The following RHOBTB1 variants were observed in gnomAD, a reference collection of about 807,000 sequenced individuals.
The protein encoded by RHOBTB1 is rho-related BTB domain-containing protein 1.
A neutral mutation model predicts 71.6 loss-of-function variants in RHOBTB1; 40 were observed. The observed-to-expected ratio is 0.56, with a 90% CI of 0.43 to 0.73. The LOEUF (loss-of-function observed/expected upper bound fraction) is 0.73. Ranked by LOEUF, RHOBTB1 falls within the 30% of genes least tolerant of loss-of-function variation. The pLI is 0.00. For synonymous variants in RHOBTB1, 319 were observed against 334.9 expected, an observed-to-expected ratio of 0.95 and a Z score of 0.52; for missense variants, 797 against 894.0, an observed-to-expected ratio of 0.89 and a Z score of 1.38.
At chr10:60,967,721 G>T (rs989001384) in intron 2 of RHOBTB1, among the ~76,000 whole-genome samples, 1 of 152,132 alleles carries the variant, frequency 6.6e-6, no homozygotes, top group Non-Finnish European at 1.5e-5. Flanking sequence ...CTGTGTCCCT[G>T]TTTATCCATT....
chr10:60,861,809 C>T, the RHOBTB1 span, among the ~76,000 whole-genome samples: 1 of 152,120 alleles, frequency 6.6e-6, no homozygotes, highest in Non-Finnish European at 1.5e-5. Context: ...AAAATAAGTT[C>T]AAATGTTTAC....
intron 7 of RHOBTB1, among the ~76,000 whole-genome samples, chr10:60,882,859 T>C (rs2081389634): frequency 6.6e-6 from 1 of 152,186 alleles, no homozygotes. Flanking sequence ...TAACCCCGTA[T>C]GGAAAGAATT....
At chr10:60,897,771 A>T (rs1233769977) in intron 4 of RHOBTB1, among the ~76,000 whole-genome samples, 1 of 152,066 alleles carries the variant, frequency 6.6e-6, no homozygotes, top group Admixed American at 6.5e-5. Flanking sequence ...AAGTGGCTCA[A>T]TCTCGGCTCA....
rs540307072 is a variant in RHOBTB1, at chr10:60,950,007, G to A, written c.-61-8153C>T. On this transcript the variant is annotated intron_variant, in intron 2 of 11. Transcript: ENST00000357917. ...ATTAGGTTTTCTGTTGGGGTAGGGT[G>A]AGTTTGGTAAAAATGTGATTTTGCA... is the stretch of plus-strand genomic sequence containing the variant. Among the ~76,000 whole-genome samples, 560 of 152,294 alleles carry A rather than the reference G, an allele frequency of 3.7e-3. 3 individuals are homozygous for A. Among genetic ancestry groups the A allele is most frequent in the Middle Eastern group, 6.8e-3 (2 of 294 alleles).
intron 2 of RHOBTB1, among the ~76,000 whole-genome samples, chr10:60,931,777 C>A (rs879894367): frequency 5.5e-4 from 84 of 152,062 alleles, no homozygotes; most frequent in Middle Eastern, 3.4e-3. Flanking sequence ...ATAAAAAAAA[C>A]CCCACAGGAA....
chr10:60,908,090 G>A (rs533648761), intron 4 of RHOBTB1, among the ~76,000 whole-genome samples: 8 of 152,268 alleles, frequency 5.3e-5, no homozygotes, highest in African/African-American at 1.9e-4. Context: ...TCATAAGAGA[G>A]CAATAACACT....
At chr10:60,996,339 G>A (rs1009538890) in intron 1 of RHOBTB1, among the ~76,000 whole-genome samples, 1 of 152,000 alleles carries the variant, frequency 6.6e-6, no homozygotes, top group Non-Finnish European at 1.5e-5. Context: ...TACCCTCAAG[G>A]CCTGAGGGAA....
At chr10:60,872,666 C>T (rs977926966) in intron 9 of RHOBTB1, among the ~76,000 whole-genome samples, 3 of 152,072 alleles carry the variant, frequency 2.0e-5, no homozygotes, top group African/African-American at 7.2e-5. Flanking sequence ...AGGAAGCCTC[C>T]GCAATGGAAT....
At chr10:60,949,047 T>A (rs190694242), upstream of RHOBTB1, among the ~76,000 whole-genome samples, 28 of 152,314 alleles carry the variant, frequency 1.8e-4, no homozygotes, top group African/African-American at 6.3e-4. Context: ...CAGCTAGTGA[T>A]GACAAACAGG....
chr10:60,991,129 C>T (rs1237690519), intron 1 of RHOBTB1, among the ~76,000 whole-genome samples: 6 of 152,204 alleles, frequency 3.9e-5, no homozygotes, highest in African/African-American at 1.4e-4. Context: ...CACTATCTCT[C>T]TACTGAAATA....
Position 60,871,393 on chromosome 10 carries a change from T to C in RHOBTB1, c.*89A>G. The stretch of plus-strand genomic sequence containing the variant: ...CGAAACCTGAACTATGTCGTATCTC[T>C]AACAAGACGAATTTTATAGTAGTGC... On this transcript the variant is annotated 3_prime_UTR_variant, in exon 11 of 11. Coordinates refer to ENST00000337910, the MANE Select transcript of RHOBTB1 (RefSeq NM_014836.5). 1 of 1,384,266 alleles carries C rather than the reference T, an allele frequency of 7.2e-7. No homozygotes were observed. The allele number at this position is 1,384,266 out of a possible 1,614,324, so 85.7% of individuals were successfully genotyped here. A position where few individuals can be genotyped will look rare whatever the true frequency, so the allele number is the denominator to read the frequency against.
At chr10:60,928,073 C>T (rs2083996757) in intron 2 of RHOBTB1, among the ~76,000 whole-genome samples, 1 of 151,886 alleles carries the variant, frequency 6.6e-6, no homozygotes, top group African/African-American at 2.4e-5. Flanking sequence ...TGAAAAAATG[C>T]TCAACATCAT....
intron 5 of RHOBTB1, among the ~76,000 whole-genome samples, chr10:60,890,604 T>C (rs1001796143): frequency 1.3e-5 from 2 of 152,180 alleles, no homozygotes; most frequent in Non-Finnish European, 2.9e-5. Flanking sequence ...TCACAAAGTA[T>C]TGATTCTAAC....
chr10:60,865,078 G>C (rs2080631041), downstream of RHOBTB1, among the ~76,000 whole-genome samples: 1 of 152,154 alleles, frequency 6.6e-6, no homozygotes, highest in African/African-American at 2.4e-5. Flanking sequence ...CCTGGTAATG[G>C]GAGAGGGGCT....
At chr10:60,861,882 A>G in the RHOBTB1 span, among the ~76,000 whole-genome samples, 1 of 152,232 alleles carries the variant, frequency 6.6e-6, no homozygotes, top group Non-Finnish European at 1.5e-5. Context: ...TTTATTCCCA[A>G]CTTAAATGCA....
chr10:60,922,501 T>G (rs945496765), intron 2 of RHOBTB1, among the ~76,000 whole-genome samples: 1 of 152,174 alleles, frequency 6.6e-6, no homozygotes, highest in Non-Finnish European at 1.5e-5. Context: ...TTCACTTCCA[T>G]GGAGCCAAAT....
At chr10:60,954,357 A>G (rs1473802119) in intron 2 of RHOBTB1, among the ~76,000 whole-genome samples, 1 of 152,230 alleles carries the variant, frequency 6.6e-6, no homozygotes, top group Admixed American at 6.5e-5. Context: ...CAGAAGATAT[A>G]GCAGTCTCAA....
At position 60,872,151 on chromosome 10, in the gene RHOBTB1, G is replaced by A. The variant is rs2080821676; in HGVS notation, c.1921+34C>T. The A allele has an allele frequency of 9.0e-6, 13 of 1,448,138 alleles. No homozygotes were observed. In the East Asian group the frequency reaches 2.7e-4, roughly 30 times the overall value. The allele number at this position is 1,448,138 out of a possible 1,614,324, so 89.7% of individuals were successfully genotyped here. A position where few individuals can be genotyped will look rare whatever the true frequency, so the allele number is the denominator to read the frequency against. ...TAAAAGCTTCCATGAGAGGTGAGGA[G>A]AGCTGGATGAATGGGGGCCTCACAC... On this transcript the variant is annotated intron_variant, in intron 10 of 10. Transcript: ENST00000337910.
chr10:60,953,748 TA>T (rs1353188958), intron 2 of RHOBTB1, among the ~76,000 whole-genome samples: 1 of 152,076 alleles, frequency 6.6e-6, no homozygotes, highest in Non-Finnish European at 1.5e-5. Context: ...TTCTTCTCGA[TA>T]AAACAGTTGA....
Sources: gnomAD v4.1 joint callset for allele counts (sites outside exome capture counted in the v4.1 genomes callset) on GRCh38, gnomAD v4.1.1 for gene constraint, MANE v1.5 for transcripts, NCBI Gene and HGNC (gene_info 2026-07-23, HGNC 2026-07-21) for gene names.